The following BACE2 variants were observed in gnomAD, a reference collection of about 807,000 sequenced individuals.
The protein encoded by BACE2 is 56 kDa aspartic-like protease.
BACE2 carries 17 observed loss-of-function variants against 46.2 expected under a neutral mutation model. The ratio of observed to expected loss-of-function variants is 0.37; its 90% confidence interval spans 0.25 to 0.55. BACE2 has a LOEUF of 0.55. Among genes scored for constraint, BACE2 ranks in the 20% least tolerant of loss-of-function variants. BACE2 has a pLI of 0.82. For synonymous variants in BACE2, 277 were observed against 295.9 expected, an observed-to-expected ratio of 0.94 and a Z score of 0.66; for missense variants, 595 against 698.1, an observed-to-expected ratio of 0.85 and a Z score of 1.66.
At chr21:41,170,842 T>C (rs1445170574) in intron 1 of BACE2, among the ~76,000 whole-genome samples, 2 of 152,256 alleles carry the variant, frequency 1.3e-5, no homozygotes, top group East Asian at 3.8e-4. Context: ...GAAAGCTCAG[T>C]ACGTGACAAG....
chr21:41,173,695 G>A (rs528226769), intron 1 of BACE2, among the ~76,000 whole-genome samples: 54 of 152,202 alleles, frequency 3.5e-4, no homozygotes, highest in African/African-American at 7.0e-4. Context: ...GCAGTGAGCC[G>A]AGATCGTGTC....
intron 1 of BACE2, among the ~76,000 whole-genome samples, chr21:41,198,930 G>T (rs914587114): frequency 1.1e-4 from 17 of 151,246 alleles, no homozygotes; most frequent in African/African-American, 3.7e-4. Flanking sequence ...GTGCAGGTTT[G>T]TTACATATGT....
In BACE2 at chr21:41,275,370, G is replaced by T. The variant is rs2123656597; in HGVS notation, c.1304-1G>T. 2 of 1,614,088 alleles carry T rather than the reference G, an allele frequency of 1.2e-6. No homozygotes were observed. The highest frequency in any genetic ancestry group is 2.2e-5 in the East Asian group (1 of 44,878). ...TGGATTTTCCCTTTCTGTCTCCCCA[G>T]AAATTGCAGGTGCTGCAGTGTCTGA... On this transcript the variant is annotated splice_acceptor_variant, in intron 8 of 8. Transcript: ENST00000330333. LOFTEE classifies it high-confidence loss of function.
chr21:41,199,467 G>A (rs1985874377), intron 1 of BACE2, among the ~76,000 whole-genome samples: 2 of 152,142 alleles, frequency 1.3e-5, no homozygotes. Flanking sequence ...CACCTGGACG[G>A]AAGTGTCTTG....
rs370562149 is a variant in BACE2 at position 41,274,311 on chromosome 21, A to C, written c.1304-1060A>C. On this transcript the variant is annotated intron_variant, in intron 8 of 8. Transcript: ENST00000330333. ...CAAGCCTGTTTTCCTCTGATTTTAA[A>C]ACCATTCTTTTCAGGTCATTATCGC... is the stretch of plus-strand genomic sequence containing the variant. Among the ~76,000 whole-genome samples the C allele has an allele frequency of 2.0e-4, 31 of 152,108 alleles. 1 individual carries two copies. Among genetic ancestry groups the C allele is most frequent in the South Asian group, 8.3e-4 (4 of 4,812 alleles).
chr21:41,182,543 T>C (rs1985173663), intron 1 of BACE2: 1 of 167,002 alleles, frequency 6.0e-6, no homozygotes, highest in Admixed American at 6.5e-5. Flanking sequence ...GGAAGGTTCA[T>C]ATAGGTAATT....
chr21:41,241,878 C>T lies in BACE2; in HGVS notation c.678C>T (p.Asn226=), dbSNP rs201502023. ...DSLVTQANIP[N]VFSMQMCGAG... ...TGGTGACACAAGCAAACATCCCCAA[C>T]GTTTTCTCCATGCAGATGTGTGGAG... The change falls in exon 4 of 9, where the codon AAC becomes AAT. Residue 226 remains asparagine (N), a synonymous_variant. Transcript: ENST00000330333. 55 of 1,614,072 alleles carry T rather than the reference C, an allele frequency of 3.4e-5. No homozygotes were observed. The highest frequency in any genetic ancestry group is 8.3e-5 in the Admixed American group (5 of 60,004).
intron 1 of BACE2, among the ~76,000 whole-genome samples, chr21:41,218,654 T>C (rs1201290374): frequency 6.6e-6 from 1 of 152,174 alleles, no homozygotes; most frequent in Non-Finnish European, 1.5e-5. Flanking sequence ...CCTGGTGACA[T>C]AGGTACATTC....
chr21:41,241,726 A>T, intron 3 of BACE2, 93 bp from the exon 4 acceptor site: 1 of 1,457,040 alleles, frequency 6.9e-7, no homozygotes, highest in Non-Finnish European at 9.4e-7. Context: ...TATAAACACC[A>T]GGAATGTCTG....
chr21:41,227,464 A>G (rs1445484385), intron 2 of BACE2, among the ~76,000 whole-genome samples: 1 of 152,228 alleles, frequency 6.6e-6, no homozygotes, highest in Non-Finnish European at 1.5e-5. Context: ...ATGCCAGGCA[A>G]TTTAATAAAG....
At chr21:41,187,034 G>A (rs986308163) in intron 1 of BACE2, among the ~76,000 whole-genome samples, 1 of 152,210 alleles carries the variant, frequency 6.6e-6, no homozygotes, top group Non-Finnish European at 1.5e-5. Flanking sequence ...GCTCAGTTTG[G>A]TCCTATGTCC....
chr21:41,274,761 G>C (rs1281265723), intron 8 of BACE2, among the ~76,000 whole-genome samples: 1 of 152,170 alleles, frequency 6.6e-6, no homozygotes, highest in Non-Finnish European at 1.5e-5. Flanking sequence ...CTGTTGATGA[G>C]ACCTAGGATA....
At chr21:41,270,188 T>C (rs150247679) in intron 8 of BACE2, among the ~76,000 whole-genome samples, 36 of 152,358 alleles carry the variant, frequency 2.4e-4, no homozygotes, top group African/African-American at 8.7e-4. Context: ...TAGGGTTGTT[T>C]GTTTTCTCAT....
intron 8 of BACE2, among the ~76,000 whole-genome samples, chr21:41,270,395 C>T (rs73368336): frequency 0.016 from 2,393 of 152,010 alleles, 55 homozygotes; most frequent in African/African-American, 0.054. Flanking sequence ...AGAAATTTTT[C>T]GCCTAACCCC....
rs139133452 is a variant in BACE2 at position 41,202,315 on chromosome 21, C to T, written c.313-23951C>T. On this transcript the variant is annotated intron_variant, in intron 1 of 8. Coordinates refer to ENST00000330333, the MANE Select transcript of BACE2 (RefSeq NM_012105.5). ...GGAAGGAGCAGGAAATCATATCACA[C>T]GACCAATGCTTGGAGGATTTCGAGG... Among the ~76,000 whole-genome samples, 20 of 152,346 alleles carry T rather than the reference C, an allele frequency of 1.3e-4. No individual in the cohort carries two copies. In the East Asian group the frequency reaches 3.3e-3, roughly 25 times the overall value.
chr21:41,268,977 G>A (rs768388923), intron 8 of BACE2, among the ~76,000 whole-genome samples: 4 of 150,670 alleles, frequency 2.7e-5, no homozygotes, highest in Non-Finnish European at 5.9e-5. Flanking sequence ...TTTTTGAGAC[G>A]GAGCTTTGCT....
rs76363000 is a variant in BACE2, at chr21:41,259,322, G to A, written c.1303+1996G>A. On this transcript the variant is annotated intron_variant, in intron 8 of 8. Transcript: ENST00000330333. ...GCCATGGGAAAATACACTGATATAT[G>A]TCCCCTCTTCCATGTGGATTGTTTC... Among the ~76,000 whole-genome samples, 557 of 152,114 alleles carry A rather than the reference G, an allele frequency of 3.7e-3. 6 individuals are homozygous for A. The highest frequency in any genetic ancestry group is 0.012 in the African/African-American group (516 of 41,488).
chr21:41,234,287 ACTT>A (rs769001124), intron 2 of BACE2, among the ~76,000 whole-genome samples: 8 of 152,082 alleles, frequency 5.3e-5, no homozygotes, highest in Non-Finnish European at 1.0e-4. Context: ...AGCCCATTAA[ACTT>A]CTTTCTCTTT....
At chr21:41,243,280 G>A in intron 4 of BACE2, 96 bp from the exon 5 acceptor site, 4 of 1,018,212 alleles carry the variant, frequency 3.9e-6, no homozygotes, top group Non-Finnish European at 5.5e-6. Flanking sequence ...CCTGATTGCA[G>A]TGAAGTTTCT....
Sources: gnomAD v4.1 joint callset for allele counts (sites outside exome capture counted in the v4.1 genomes callset) on GRCh38, gnomAD v4.1.1 for gene constraint, MANE v1.5 for transcripts, NCBI Gene and HGNC (gene_info 2026-07-23, HGNC 2026-07-21) for gene names.